Variants in PUDP observed in about 807,000 individuals in gnomAD.
PUDP encodes pseudouridine-5'-phosphatase.
In PUDP, 8 loss-of-function variants were observed where a neutral mutation model predicts 9.4. That is an observed-to-expected ratio of 0.85 (90% confidence interval 0.50 to 1.53). The LOEUF is 1.53. Ranked by LOEUF, PUDP falls within the 40% of genes most tolerant of loss-of-function variation. The pLI is 0.00. For missense variants in PUDP, 188 were observed against 189.7 expected, an observed-to-expected ratio of 0.99 and a Z score of 0.05; for synonymous variants, 99 against 80.7, an observed-to-expected ratio of 1.23 and a Z score of -1.22.
At chrX:6,751,000 G>A (rs1259529086) in intron 3 of PUDP, among the ~76,000 whole-genome samples, 2 of 109,943 alleles carry the variant, frequency 1.8e-5, no homozygotes, top group African/African-American at 6.6e-5. Flanking sequence ...AAATTAGCCG[G>A]GTGTGGTGGT....
chrX:7,079,346 T>C (rs1332916792), intron 2 of PUDP, among the ~76,000 whole-genome samples: 2 of 112,319 alleles, frequency 1.8e-5, no homozygotes, highest in Non-Finnish European at 3.8e-5. Context: ...CCAATAGAAC[T>C]GAATGGAGAA....
intron 3 of PUDP, among the ~76,000 whole-genome samples, chrX:6,786,663 A>C (rs756182575): frequency 2.7e-5 from 3 of 111,511 alleles, no homozygotes; most frequent in Non-Finnish European, 5.6e-5. Context: ...TCTGAGCATC[A>C]GATTAAACTA....
chrX:6,933,566 A>C (rs1307519904), intron 3 of PUDP, among the ~76,000 whole-genome samples: 1 of 111,488 alleles, frequency 9.0e-6, no homozygotes, highest in Admixed American at 9.6e-5. Flanking sequence ...GAAACTCTAA[A>C]AAGCAGAGCG....
At chrX:7,072,828 A>C (rs1158689690) in intron 3 of PUDP, among the ~76,000 whole-genome samples, 9 of 109,663 alleles carry the variant, frequency 8.2e-5, no homozygotes, top group Admixed American at 2.9e-4. Flanking sequence ...AAAAAAAAAA[A>C]AAACAAAACT....
At chrX:6,932,782 A>C (rs918162416) in intron 3 of PUDP, among the ~76,000 whole-genome samples, 5 of 110,912 alleles carry the variant, frequency 4.5e-5, no homozygotes, top group Non-Finnish European at 9.5e-5. Context: ...TGCGCTTTTC[A>C]GACGGGCTTA....
At chrX:6,921,813 T>C (rs1348944713) in intron 3 of PUDP, among the ~76,000 whole-genome samples, 2 of 111,169 alleles carry the variant, frequency 1.8e-5, no homozygotes, top group Non-Finnish European at 3.8e-5. Flanking sequence ...ATGGCTCCCA[T>C]GAACTATTTT....
chrX:6,982,191 A>T lies in PUDP; in HGVS notation c.205-3848T>A, dbSNP rs1032704788. On this transcript the variant is annotated intron_variant and NMD_transcript_variant, in intron 1 of 3. Transcript: ENST00000655425. ...AGCCACACACACACACACAGACACAATGTGTACACAGGTGTTCATAGTGTA... is the reference window on the plus strand; with the variant it reads ...AGCCACACACACACACACAGACACATTGTGTACACAGGTGTTCATAGTGTA... Among the ~76,000 whole-genome samples the T allele has an allele frequency of 6.3e-5, 7 of 111,649 alleles. No homozygotes were observed. In the Admixed American group the frequency reaches 6.7e-4, roughly 11 times the overall value.
chrX:6,799,318 T>G (rs983747244), intron 3 of PUDP, among the ~76,000 whole-genome samples: 11 of 112,000 alleles, frequency 9.8e-5, no homozygotes, highest in Non-Finnish European at 3.8e-5. Context: ...TGTTTTTCAC[T>G]GAAAAACTTA....
rs778586677 is a variant in PUDP, at chrX:7,077,245, A to C, written c.485T>G (p.Phe162Cys). 8.3e-7 allele frequency: 1 copy of C among 1,198,113 alleles called. No individual in the cohort carries two copies. The highest frequency in any genetic ancestry group is 1.1e-6 in the Non-Finnish European group (1 of 888,655). ...PDIFLACAKRFSPPPAMEKCL... is the reference protein window; with the variant it reads ...PDIFLACAKRCSPPPAMEKCL... ...CTTCTCCATAGCAGGAGGGGGAGAG[A>C]ACCTCTTGGCACAAGCTAGGAAGAT... The change falls in exon 3 of 4, where the codon TTC becomes TGC. Residue 162 changes from phenylalanine (F) to cysteine (C), a missense_variant. Phe to Cys is a radical substitution (Grantham distance 205, BLOSUM62 -2). Transcript: ENST00000381077.
intron 1 of PUDP, among the ~76,000 whole-genome samples, chrX:7,125,586 G>A (rs780151957): frequency 7.2e-5 from 8 of 111,477 alleles, no homozygotes; most frequent in African/African-American, 9.8e-5. Context: ...CAGGCCCTCC[G>A]CTACCCTTCC....
chrX:7,008,283 C>A (rs1029017892), intron 1 of PUDP, among the ~76,000 whole-genome samples: 1 of 111,265 alleles, frequency 9.0e-6, no homozygotes, highest in African/African-American at 3.3e-5. Context: ...TTTTTTAATG[C>A]GCTCTCTTTT....
At chrX:6,752,733 G>C (rs1925116373) in intron 3 of PUDP, among the ~76,000 whole-genome samples, 1 of 110,668 alleles carries the variant, frequency 9.0e-6, no homozygotes, top group Non-Finnish European at 1.9e-5. Flanking sequence ...GATGATCATG[G>C]TGCCATTTAC....
intron 3 of PUDP, among the ~76,000 whole-genome samples, chrX:6,776,374 AT>A (rs750950454): frequency 9.2e-4 from 97 of 105,075 alleles, no homozygotes; most frequent in Admixed American, 1.3e-3. Flanking sequence ...TCCACTAAAA[AT>A]ACAAAAATTA....
intron 3 of PUDP, among the ~76,000 whole-genome samples, chrX:6,840,091 T>C (rs753059674): frequency 3.9e-4 from 44 of 111,620 alleles, no homozygotes; most frequent in Non-Finnish European, 7.2e-4. Flanking sequence ...TGGGAGATAA[T>C]TGAATCATGG....
chrX:6,903,991 G>A (rs921774457), intron 3 of PUDP, among the ~76,000 whole-genome samples: 48 of 103,153 alleles, frequency 4.7e-4, no homozygotes, highest in African/African-American at 1.5e-3. Context: ...TCACTCCATC[G>A]CCCAGGCTGG....
At chrX:6,746,790 C>T (rs952285475) in intron 3 of PUDP, among the ~76,000 whole-genome samples, 5 of 111,495 alleles carry the variant, frequency 4.5e-5, no homozygotes, top group African/African-American at 1.6e-4. Context: ...TGTATATGTA[C>T]CACATTTTCT....
chrX:7,109,196 TTTTA>T (rs1931969723), intron 1 of PUDP, among the ~76,000 whole-genome samples: 1 of 112,031 alleles, frequency 8.9e-6, no homozygotes, highest in Admixed American at 9.5e-5. Context: ...TGAGCGCTCC[TTTTA>T]TTTTCTTCTT....
intron 3 of PUDP, among the ~76,000 whole-genome samples, chrX:6,731,912 C>T (rs1462113501): frequency 9.0e-6 from 1 of 111,470 alleles, no homozygotes; most frequent in Non-Finnish European, 1.9e-5. Flanking sequence ...ATGTTAAATG[C>T]AGGAGAAGTT....
chrX:6,876,361 C>T (rs1041932307), intron 3 of PUDP, among the ~76,000 whole-genome samples: 3 of 111,209 alleles, frequency 2.7e-5, no homozygotes, highest in African/African-American at 9.8e-5. Flanking sequence ...TCTCCACCTA[C>T]AATGGGTTTA....
Sources: allele counts gnomAD v4.1 joint callset (sites outside exome capture counted in the v4.1 genomes callset), GRCh38; gene constraint gnomAD v4.1.1; transcripts MANE v1.5; gene names NCBI Gene and HGNC (gene_info 2026-07-23, HGNC 2026-07-21).